The following FANK1 variants were observed in gnomAD, a reference collection of about 807,000 sequenced individuals.
The protein encoded by FANK1 is fibronectin type 3 and ankyrin repeat domains protein 1.
FANK1 carries 44 observed loss-of-function variants against 45.3 expected under a neutral mutation model. The ratio of observed to expected loss-of-function variants is 0.97; its 90% CI spans 0.76 to 1.25. FANK1 has a LOEUF of 1.25. Ranked by LOEUF, FANK1 falls within the 50% of genes most tolerant of loss-of-function variation. FANK1 has a pLI of 0.00. For synonymous variants in FANK1, 149 were observed against 152.5 expected (o/e 0.98, Z 0.17); for missense variants, 391 against 424.4 (o/e 0.92, Z 0.69).
chr10:125,973,395 G>A lies in FANK1; in HGVS notation c.14-6766G>A, dbSNP rs185245412. The stretch of plus-strand genomic sequence containing the variant: ...TAGTGGGCTGTGAAAAAAATCATTT[G>A]TTCAACACTGATGTCGTGATACAAG... On this transcript the variant is annotated intron_variant, in intron 1 of 10. Coordinates refer to ENST00000368693, the MANE Select transcript of FANK1 (RefSeq NM_145235.5). 113 of 983,760 alleles carry A rather than the reference G, an allele frequency of 1.1e-4. No homozygotes were observed. The East Asian group carries it at 0.01, about 87-fold the overall frequency. The allele number at this position is 983,760 out of a possible 1,614,324, so 60.9% of individuals were successfully genotyped here.
intron 1 of FANK1, among the ~76,000 whole-genome samples, chr10:125,943,728 A>G (rs1948600893): frequency 2.0e-5 from 3 of 152,196 alleles, no homozygotes; most frequent in Non-Finnish European, 4.4e-5. Context: ...AATGCTTTAT[A>G]ATGGGCAAAC....
At chr10:125,974,617 G>A (rs1950738939) in intron 1 of FANK1, among the ~76,000 whole-genome samples, 1 of 152,184 alleles carries the variant, frequency 6.6e-6, no homozygotes. Flanking sequence ...GAGATATTCT[G>A]TGTTTTTCTT....
intron 1 of FANK1, among the ~76,000 whole-genome samples, chr10:125,953,829 G>A (rs1024030433): frequency 2.0e-4 from 30 of 152,172 alleles, no homozygotes; most frequent in African/African-American, 7.0e-4. Flanking sequence ...CTTTGTGTCT[G>A]TGCCTGTAAC....
At chr10:125,993,614 T>C (rs113871771) in intron 3 of FANK1, among the ~76,000 whole-genome samples, 5,766 of 152,270 alleles carry the variant, frequency 0.038, 383 homozygotes, top group African/African-American at 0.13. Context: ...TCCTCTGGGG[T>C]ATAAAACCCT....
At chr10:125,913,309 C>A (rs1009158095) in intron 1 of FANK1, among the ~76,000 whole-genome samples, 1 of 150,812 alleles carries the variant, frequency 6.6e-6, no homozygotes, top group Admixed American at 6.6e-5. Context: ...CTGCATGACA[C>A]CTAAACTCAG....
At chr10:125,911,183 C>T (rs1322088226) in intron 1 of FANK1, among the ~76,000 whole-genome samples, 2 of 152,064 alleles carry the variant, frequency 1.3e-5, no homozygotes, top group South Asian at 2.1e-4. Flanking sequence ...CAATCACAAG[C>T]GTCCTTATAA....
intron 1 of FANK1, among the ~76,000 whole-genome samples, chr10:125,942,963 G>A (rs2134155755): frequency 6.6e-6 from 1 of 152,008 alleles, no homozygotes; most frequent in East Asian, 1.9e-4. Context: ...ACAAGCGTGT[G>A]CCACCACACC....
At chr10:125,952,808 C>T (rs1198600585) in intron 1 of FANK1, among the ~76,000 whole-genome samples, 15 of 3,412 alleles carry the variant, frequency 4.4e-3, no homozygotes, top group Non-Finnish European at 0.011. Context: ...CATACACACA[C>T]ACACACACAC....
In FANK1 at chr10:125,992,215, G is replaced by A. The variant is rs544340927; in HGVS notation, c.317-3202G>A. Reference sequence around the variant, plus strand: ...CTGGAATTTCCTCTCTGTTCCTCAGGACTCCTGCCTATAGTGGGAGTAGAA... The same window carrying A: ...CTGGAATTTCCTCTCTGTTCCTCAGAACTCCTGCCTATAGTGGGAGTAGAA... On this transcript the variant is annotated intron_variant, in intron 3 of 10. Transcript: ENST00000368693. Among the ~76,000 whole-genome samples the A allele has an allele frequency of 2.6e-5, 4 of 152,336 alleles. No homozygotes were observed. The East Asian group carries it at 7.7e-4, about 29-fold the overall frequency.
At position 125,988,575 on chromosome 10, in the gene FANK1, T is replaced by C; in HGVS notation, c.216T>C (p.Val72=). 1 of 1,614,194 alleles carries C rather than the reference T, an allele frequency of 6.2e-7. No homozygotes were observed. The change falls in exon 3 of 11, where the codon GTT becomes GTC. Residue 72 remains valine, a synonymous_variant. Transcript: ENST00000368693. ...IYTGYATKHV[V]EGLEPRTLYR... ...GGGGATATGCAACGAAGCATGTTGT[T>C]GAAGGTCTGGAACCAAGGACGCTGT...
At chr10:125,964,419 C>T (rs1035993009) in intron 1 of FANK1, among the ~76,000 whole-genome samples, 4 of 152,128 alleles carry the variant, frequency 2.6e-5, no homozygotes, top group South Asian at 2.1e-4. Context: ...TCTTGAACTC[C>T]TGACCTCAAG....
At chr10:125,979,648 G>T (rs1287823064) in intron 1 of FANK1, among the ~76,000 whole-genome samples, 2 of 152,184 alleles carry the variant, frequency 1.3e-5, no homozygotes, top group Non-Finnish European at 2.9e-5. Context: ...TTGGCAATTT[G>T]TTTTTGCTCT....
At chr10:125,930,342 C>G (rs1233723961) in intron 1 of FANK1, among the ~76,000 whole-genome samples, 2 of 150,398 alleles carry the variant, frequency 1.3e-5, no homozygotes, top group Non-Finnish European at 3.0e-5. Context: ...CCTAAAATGA[C>G]CATCTTTTCT....
chr10:125,924,278 TCTCG>T (rs1188043597), intron 1 of FANK1, among the ~76,000 whole-genome samples: 1 of 151,222 alleles, frequency 6.6e-6, no homozygotes, highest in Non-Finnish European at 1.5e-5. Flanking sequence ...TGAGATGTAG[TCTCG>T]CTCGCTCTTT....
intron 1 of FANK1, among the ~76,000 whole-genome samples, chr10:125,908,065 C>T (rs967267650): frequency 9.4e-5 from 14 of 148,990 alleles, no homozygotes; most frequent in African/African-American, 1.2e-4. Context: ...GGTGCGCTCT[C>T]GGCTCACTAC....
At chr10:125,988,271 T>C (rs149017219) in intron 2 of FANK1, among the ~76,000 whole-genome samples, 12 of 152,328 alleles carry the variant, frequency 7.9e-5, no homozygotes, top group African/African-American at 2.2e-4. Context: ...AGGGCAAATG[T>C]CGTGGTTAAC....
intron 1 of FANK1, among the ~76,000 whole-genome samples, chr10:125,950,259 G>T (rs1006403715): frequency 3.3e-5 from 5 of 151,210 alleles, no homozygotes; most frequent in Non-Finnish European, 5.9e-5. Context: ...AGCCAAAATT[G>T]ACAAATGGGA....
chr10:125,973,536 C>T (rs915894960), intron 1 of FANK1: 11 of 849,698 alleles, frequency 1.3e-5, no homozygotes, highest in Non-Finnish European at 1.6e-5. Context: ...CACATGTATC[C>T]CTCAGTATCT....
chr10:125,995,020 C>CTTT (rs11455539), intron 3 of FANK1: 192 of 674,184 alleles, frequency 2.8e-4, no homozygotes, highest in African/African-American at 6.5e-4. Flanking sequence ...AGCACTTTGT[C>CTTT]TTTTTTTTTT....
Sources: allele counts gnomAD v4.1 joint callset (sites outside exome capture counted in the v4.1 genomes callset), GRCh38; gene constraint gnomAD v4.1.1; transcripts MANE v1.5; gene names NCBI Gene and HGNC (gene_info 2026-07-23, HGNC 2026-07-21).